KCNK12: variants seen among roughly 807,000 people sequenced by gnomAD.
KCNK12 encodes potassium channel subfamily K member 12.
Under a neutral mutation model 25.3 loss-of-function variants are expected in KCNK12, and 6 were observed. The observed-to-expected ratio is 0.24, with a 90% CI of 0.13 to 0.47. The LOEUF (loss-of-function observed/expected upper bound fraction) is 0.47, where lower values mean the gene tolerates loss of function less well. Among genes scored for constraint, KCNK12 ranks in the 20% least tolerant of loss-of-function variants. KCNK12 has a pLI of 0.99. For missense variants in KCNK12, 444 were observed against 661.7 expected, an observed-to-expected ratio of 0.67 and a Z score of 3.61; for synonymous variants, 331 against 311.1, an observed-to-expected ratio of 1.06 and a Z score of -0.67.
rs191605632 is a variant in KCNK12 at position 47,555,692 on chromosome 2, C to G, written c.391+14249G>C. On this transcript the variant is annotated intron_variant, in intron 1 of 1. Coordinates refer to ENST00000327876, the MANE Select transcript of KCNK12 (RefSeq NM_022055.2). This position sits in a 1 kb window ranked among gnomAD's most constrained non-coding sequence, Gnocchi z 4.5. ...TTAATCTGTCTTTTAATTCAGGGCC[C>G]TAGCGGCTGAAAATAAGAAAATGTA... 1.2e-4 allele frequency among the ~76,000 whole-genome samples: 18 copies of G among 152,266 alleles called. 1 individual carries two copies. The East Asian group carries it at 3.1e-3, about 26-fold the overall frequency.
chr2:47,523,940 T>C (rs890763340), intron 1 of KCNK12, among the ~76,000 whole-genome samples: 3 of 152,256 alleles, frequency 2.0e-5, no homozygotes, highest in African/African-American at 7.2e-5. Flanking sequence ...AAACAGACTA[T>C]AGAAAATATT....
intron 1 of KCNK12, among the ~76,000 whole-genome samples, chr2:47,544,968 C>T (rs920080750): frequency 6.6e-6 from 1 of 152,088 alleles, no homozygotes; most frequent in Non-Finnish European, 1.5e-5. Flanking sequence ...GCTTTTTTTC[C>T]CTGTCACTTT....
chr2:47,509,602 G>T lies in KCNK12; in HGVS notation c.*11305C>A, dbSNP rs148761816. On this transcript the variant is annotated 3_prime_UTR_variant, in exon 2 of 2. Transcript: ENST00000327876. The stretch of plus-strand genomic sequence containing the variant: ...CCCTGTCCGAGGACTGTGGCATGAC[G>T]TGCTGGAGTCACGATTCTGTCACCC... Among the ~76,000 whole-genome samples the T allele has an allele frequency of 6.6e-6, 1 of 152,212 alleles. No homozygotes were observed. The highest frequency in any genetic ancestry group is 1.9e-4 in the East Asian group (1 of 5,200).
At chr2:47,536,755 A>ACGGAGGAC (rs1669077666) in intron 1 of KCNK12, among the ~76,000 whole-genome samples, 2 of 152,176 alleles carry the variant, frequency 1.3e-5, no homozygotes, top group African/African-American at 4.8e-5. Context: ...TAGGTGATTT[A>ACGGAGGAC]TGGAGGACTT....
chr2:47,524,310 CCTAAATGT>C (rs1668723147), intron 1 of KCNK12, among the ~76,000 whole-genome samples: 1 of 152,238 alleles, frequency 6.6e-6, no homozygotes, highest in Admixed American at 6.5e-5. Context: ...AGACCAGTAA[CCTAAATGT>C]CTAACAACAC....
chr2:47,534,333 C>G lies in KCNK12; in HGVS notation c.392-12525G>C, dbSNP rs142909201. On this transcript the variant is annotated intron_variant, in intron 1 of 1. Coordinates refer to ENST00000327876, the MANE Select transcript of KCNK12 (RefSeq NM_022055.2). ...AAAGCCGGTTAACCACTCCTGCCTCCGGGTAGCTCCCGTTTAACAACCTCT... is the reference window on the plus strand; with the variant it reads ...AAAGCCGGTTAACCACTCCTGCCTCGGGGTAGCTCCCGTTTAACAACCTCT... Among the ~76,000 whole-genome samples the G allele has an allele frequency of 2.8e-3, 429 of 152,054 alleles. 3 individuals are homozygous for G. The highest frequency in any genetic ancestry group is 9.1e-3 in the African/African-American group (377 of 41,478).
At position 47,516,717 on chromosome 2, in the gene KCNK12, C is replaced by T. The variant is rs1668532347; in HGVS notation, c.*4190G>A. On this transcript the variant is annotated 3_prime_UTR_variant, in exon 2 of 2. Transcript: ENST00000327876. ...ATGCTCTAGCCCCCTCCTGAGAGAA[C>T]AGATAGCATAAAAAATGATTTGTAA... The T allele has an allele frequency of 6.6e-6, 1 of 152,182 alleles. No individual in the cohort carries two copies. The highest frequency in any genetic ancestry group is 6.5e-5 in the Admixed American group (1 of 15,270). The allele number at this position is 152,182 out of a possible 1,614,324, so 9.4% of individuals were successfully genotyped here.
Position 47,569,122 on chromosome 2 carries a change from C to T in KCNK12, c.391+819G>A, listed in dbSNP as rs1308628103. Among the ~76,000 whole-genome samples, 3 of 152,008 alleles carry T rather than the reference C, an allele frequency of 2.0e-5. No individual in the cohort carries two copies. The highest frequency in any genetic ancestry group is 3.9e-4 in the East Asian group (2 of 5,190). Reference sequence around the variant, plus strand: ...GGGGCCTGAAGGAGTATTGACACAGCATTCTTCATAAGGTTGAGAAAACGT... The same window carrying T: ...GGGGCCTGAAGGAGTATTGACACAGTATTCTTCATAAGGTTGAGAAAACGT... On this transcript the variant is annotated intron_variant, in intron 1 of 1. Transcript: ENST00000327876. The surrounding 1 kb of genome is among the most constrained non-coding windows in gnomAD (Gnocchi z 4.1).
At chr2:47,544,848 G>T (rs1669278154) in intron 1 of KCNK12, among the ~76,000 whole-genome samples, 1 of 152,136 alleles carries the variant, frequency 6.6e-6, no homozygotes, top group African/African-American at 2.4e-5. Context: ...TTAGAAAGTT[G>T]ATTCTGACAT....
chr2:47,526,651 T>G (rs1558548881), intron 1 of KCNK12, among the ~76,000 whole-genome samples: 1 of 151,950 alleles, frequency 6.6e-6, no homozygotes, highest in Non-Finnish European at 1.5e-5. Flanking sequence ...GAGAATCGCT[T>G]GAATCCGGGA....
rs1038965098 is a variant in KCNK12 at position 47,520,445 on chromosome 2, C to T, written c.*462G>A. 1.1e-4 allele frequency: 17 copies of T among 153,866 alleles called. No individual in the cohort carries two copies. The highest frequency in any genetic ancestry group is 3.6e-4 in the African/African-American group (15 of 41,522). The allele number at this position is 153,866 out of a possible 1,614,324, so 9.5% of individuals were successfully genotyped here. On this transcript the variant is annotated 3_prime_UTR_variant, in exon 2 of 2. Transcript: ENST00000327876. The surrounding 1 kb of genome is among the most constrained non-coding windows in gnomAD (Gnocchi z 5.0). ...CTGTCCCAACCCCCACCTGTCAAAA[C>T]TGTGACTATATCACTTCTGACGACC...
chr2:47,542,079 G>T (rs1258524195), intron 1 of KCNK12, among the ~76,000 whole-genome samples: 2 of 152,218 alleles, frequency 1.3e-5, no homozygotes, highest in Non-Finnish European at 2.9e-5. Flanking sequence ...CCTGCTAACT[G>T]CAGGGGACTG....
intron 1 of KCNK12, among the ~76,000 whole-genome samples, chr2:47,550,926 A>G (rs1383657129): frequency 6.6e-6 from 1 of 152,112 alleles, no homozygotes; most frequent in Non-Finnish European, 1.5e-5. Flanking sequence ...TCCCCCGTAC[A>G]GTTTTTTTTG....
Position 47,540,772 on chromosome 2 carries a change from A to AAAAC in KCNK12, c.392-18968_392-18965dup, listed in dbSNP as rs59132408. Among the ~76,000 whole-genome samples, 69,218 of 149,928 alleles carry AAAAC rather than the reference A, an allele frequency of 0.46. 16,584 individuals are homozygous for AAAAC. The highest frequency in any genetic ancestry group is 0.67 in the East Asian group (3,348 of 5,010). ...GAGACTCCATCCCTAGAAACAATTA[A>AAAAC]AAACAAACAAACAAACAAACAAACA... On this transcript the variant is annotated intron_variant, in intron 1 of 1. Transcript: ENST00000327876. This position sits in a 1 kb window ranked among gnomAD's most constrained non-coding sequence, Gnocchi z 5.4.
rs1668882270 is a variant in KCNK12, at chr2:47,529,959, A to G, written c.392-8151T>C. ...ATTTCACTGGGCATGCTGTCTTTTT[A>G]TTTCCTAAACCTGGCAACCCTACTC... On this transcript the variant is annotated intron_variant, in intron 1 of 1. Coordinates refer to ENST00000327876, the MANE Select transcript of KCNK12 (RefSeq NM_022055.2). The surrounding 1 kb of genome is among the most constrained non-coding windows in gnomAD (Gnocchi z 4.3). 1.3e-5 allele frequency among the ~76,000 whole-genome samples: 2 copies of G among 152,180 alleles called. No homozygotes were observed. The highest frequency in any genetic ancestry group is 4.1e-4 in the South Asian group (2 of 4,830).
At position 47,517,308 on chromosome 2, in the gene KCNK12, C is replaced by T. The variant is rs1331641909; in HGVS notation, c.*3599G>A. 6 of 152,172 alleles carry T rather than the reference C, an allele frequency of 3.9e-5. No individual in the cohort carries two copies. The highest frequency in any genetic ancestry group is 1.4e-4 in the African/African-American group (6 of 41,432). The allele number at this position is 152,172 out of a possible 1,614,324, so 9.4% of individuals were successfully genotyped here. A position where few individuals can be genotyped will look rare whatever the true frequency, so the allele number is the denominator to read the frequency against. ...CCCAGAGTCCACAGGAAGAGGGGGT[C>T]TGCTGGGAGGCCTGTCTGAAGGACG... On this transcript the variant is annotated 3_prime_UTR_variant, in exon 2 of 2. Coordinates refer to ENST00000327876, the MANE Select transcript of KCNK12 (RefSeq NM_022055.2). The surrounding 1 kb of genome is among the most constrained non-coding windows in gnomAD (Gnocchi z 4.1).
At position 47,519,607 on chromosome 2, in the gene KCNK12, A is replaced by C. The variant is rs946730128; in HGVS notation, c.*1300T>G. The C allele has an allele frequency of 4.6e-5, 7 of 152,214 alleles. No individual in the cohort carries two copies. The highest frequency in any genetic ancestry group is 1.7e-4 in the African/African-American group (7 of 41,434). The allele number at this position is 152,214 out of a possible 1,614,324, so 9.4% of individuals were successfully genotyped here. ...CTATGCTGCAGAAGGCAAGTCTGGG[A>C]GAATCTGTCCCTCAGCCCGAGAGCA... is the stretch of plus-strand genomic sequence containing the variant. On this transcript the variant is annotated 3_prime_UTR_variant, in exon 2 of 2. Coordinates refer to ENST00000327876, the MANE Select transcript of KCNK12 (RefSeq NM_022055.2).
intron 1 of KCNK12, chr2:47,564,745 G>T (rs1188309957): frequency 5.9e-6 from 1 of 170,434 alleles, no homozygotes; most frequent in East Asian, 1.1e-4. Flanking sequence ...GATGCTGGGT[G>T]CTGAGGATGG....
intron 1 of KCNK12, among the ~76,000 whole-genome samples, chr2:47,526,088 TAAC>T (rs565617724): frequency 4.0e-5 from 6 of 151,890 alleles, no homozygotes; most frequent in East Asian, 3.9e-4. Flanking sequence ...GGTACTTAAT[TAAC>T]AACAACAACA....
Sources: allele counts gnomAD v4.1 joint callset (sites outside exome capture counted in the v4.1 genomes callset), GRCh38; gene constraint gnomAD v4.1.1; non-coding constraint Gnocchi (gnomAD v3.1); transcripts MANE v1.5; gene names NCBI Gene and HGNC (gene_info 2026-07-23, HGNC 2026-07-21).